The following BRINP1 variants were observed in gnomAD, a reference collection of about 807,000 sequenced individuals.
BRINP1 encodes BMP/retinoic acid-inducible neural-specific protein 1.
A neutral mutation model predicts 72.9 loss-of-function variants in BRINP1; 17 were observed. The ratio of observed to expected loss-of-function variants is 0.23; its 90% CI spans 0.16 to 0.35. The LOEUF is 0.35. BRINP1 is among the 10% of genes least tolerant of loss of function. BRINP1 has a pLI of 1.00. For synonymous variants in BRINP1, 418 were observed against 378.5 expected, an observed-to-expected ratio of 1.10 and a Z score of -1.21; for missense variants, 850 against 1,001.6, an observed-to-expected ratio of 0.85 and a Z score of 2.04.
At chr9:119,310,894 A>C (rs919437071) in intron 2 of BRINP1, among the ~76,000 whole-genome samples, 2 of 152,188 alleles carry the variant, frequency 1.3e-5, no homozygotes, top group Non-Finnish European at 2.9e-5. Flanking sequence ...AGCATGTCCT[A>C]GTTGGCTGTT....
intron 1 of BRINP1, among the ~76,000 whole-genome samples, chr9:119,348,284 T>C (rs887805154): frequency 6.6e-6 from 1 of 152,234 alleles, no homozygotes; most frequent in Non-Finnish European, 1.5e-5. Flanking sequence ...TGTTTTCTCA[T>C]GGCTTGATAG....
chr9:119,268,265 T>C (rs1428757680), intron 2 of BRINP1, among the ~76,000 whole-genome samples: 4 of 142,474 alleles, frequency 2.8e-5, no homozygotes, highest in Non-Finnish European at 6.2e-5. Flanking sequence ...GATAGATAGA[T>C]AGATAGATAG....
At chr9:119,339,208 A>C (rs1302081058) in intron 1 of BRINP1, among the ~76,000 whole-genome samples, 1 of 152,226 alleles carries the variant, frequency 6.6e-6, no homozygotes, top group African/African-American at 2.4e-5. Flanking sequence ...CACTGTAGCC[A>C]GAAAGTAGCC....
chr9:119,194,745 A>T (rs982360096), intron 7 of BRINP1, among the ~76,000 whole-genome samples: 8 of 152,220 alleles, frequency 5.3e-5, no homozygotes, highest in African/African-American at 1.9e-4. Flanking sequence ...GAATTCTGCC[A>T]ACACCTTGAA....
chr9:119,199,191 GA>G (rs1276958054), intron 7 of BRINP1, among the ~76,000 whole-genome samples: 1 of 152,052 alleles, frequency 6.6e-6, no homozygotes, highest in Non-Finnish European at 1.5e-5. Context: ...CTAATAAACT[GA>G]AACTGACTTG....
Position 119,166,952 on chromosome 9 carries a change from G to C in BRINP1, c.*132C>G, listed in dbSNP as rs767079447. On this transcript the variant is annotated 3_prime_UTR_variant, in exon 8 of 8. Coordinates refer to ENST00000265922, the MANE Select transcript of BRINP1 (RefSeq NM_014618.3). ...AACGTTTTCATTTCCAACAAATGAA[G>C]ATTTTCCTCCTTTTCTTTGAATATT... 4.9e-4 allele frequency: 497 copies of C among 1,015,056 alleles called. No individual in the cohort carries two copies. Among genetic ancestry groups the C allele is most frequent in the Non-Finnish European group, 6.3e-4 (432 of 690,082 alleles). 62.9% of individuals were successfully genotyped at this position (1,015,056 alleles called of 1,614,324 possible). A position where few individuals can be genotyped will look rare whatever the true frequency, so the allele number is the denominator to read the frequency against.
At chr9:119,343,039 G>A (rs777867025) in intron 1 of BRINP1, among the ~76,000 whole-genome samples, 12 of 152,328 alleles carry the variant, frequency 7.9e-5, no homozygotes, top group Admixed American at 5.2e-4. Flanking sequence ...AGTAACACAT[G>A]TAAAGCCGTT....
At chr9:119,356,399 C>T (rs940351273) in intron 1 of BRINP1, among the ~76,000 whole-genome samples, 3 of 152,182 alleles carry the variant, frequency 2.0e-5, no homozygotes, top group African/African-American at 7.2e-5. Context: ...TATAAATTAT[C>T]TTCTCAATTA....
At chr9:119,245,497 C>A (rs1271899822) in intron 3 of BRINP1, among the ~76,000 whole-genome samples, 2 of 152,228 alleles carry the variant, frequency 1.3e-5, no homozygotes, top group Non-Finnish European at 2.9e-5. Context: ...AGGAAAATTT[C>A]TATGCCTGTT....
intron 1 of BRINP1, among the ~76,000 whole-genome samples, chr9:119,348,901 C>T (rs1831475124): frequency 6.6e-6 from 1 of 152,098 alleles, no homozygotes; most frequent in African/African-American, 2.4e-5. Context: ...AATGCTCTGG[C>T]CGGGTATGTG....
At chr9:119,300,098 A>C (rs569499824) in intron 2 of BRINP1, among the ~76,000 whole-genome samples, 1 of 152,220 alleles carries the variant, frequency 6.6e-6, no homozygotes, top group Non-Finnish European at 1.5e-5. Context: ...AATCTTCACA[A>C]GTGAAATCAA....
rs532961677 is a variant in BRINP1, at chr9:119,287,770, T to C, written c.218+25368A>G. Among the ~76,000 whole-genome samples, 13 of 152,312 alleles carry C rather than the reference T, an allele frequency of 8.5e-5. No homozygotes were observed. In the South Asian group the frequency reaches 2.7e-3, roughly 32 times the overall value. Reference sequence around the variant, plus strand: ...AATGATGGCAAAGGTTTATCAGACATAATTTTTTCAATTAAAAAACCTCAG... The same window carrying C: ...AATGATGGCAAAGGTTTATCAGACACAATTTTTTCAATTAAAAAACCTCAG... On this transcript the variant is annotated intron_variant, in intron 2 of 7. Coordinates refer to ENST00000265922, the MANE Select transcript of BRINP1 (RefSeq NM_014618.3).
chr9:119,186,230 G>A (rs909597359), intron 7 of BRINP1, among the ~76,000 whole-genome samples: 15 of 152,306 alleles, frequency 9.8e-5, no homozygotes, highest in African/African-American at 3.6e-4. Context: ...GCCTAAACCA[G>A]CCTGTTGCCC....
At chr9:119,173,432 G>A (rs1829442460) in intron 7 of BRINP1, among the ~76,000 whole-genome samples, 1 of 151,030 alleles carries the variant, frequency 6.6e-6, no homozygotes, top group Non-Finnish European at 1.5e-5. Context: ...CAAGGGATGT[G>A]AAGGACCTCT....
intron 2 of BRINP1, among the ~76,000 whole-genome samples, chr9:119,287,226 C>T (rs62567706): frequency 0.32 from 47,974 of 152,056 alleles, 9,409 homozygotes; most frequent in East Asian, 0.66. Context: ...TAAGAGAGAC[C>T]TGGTTCCAAG....
intron 7 of BRINP1, among the ~76,000 whole-genome samples, chr9:119,169,587 TAAAC>T (rs1337881711): frequency 6.6e-6 from 1 of 152,066 alleles, no homozygotes; most frequent in East Asian, 1.9e-4. Flanking sequence ...CTTGATTAGG[TAAAC>T]AAAGCAGCCG....
chr9:119,367,839 T>G (rs1831711634), intron 1 of BRINP1, among the ~76,000 whole-genome samples: 1 of 152,180 alleles, frequency 6.6e-6, no homozygotes, highest in Non-Finnish European at 1.5e-5. Context: ...TCTCCCTCTC[T>G]CTCGCTCTTG....
intron 1 of BRINP1, among the ~76,000 whole-genome samples, chr9:119,320,774 C>T (rs1050922180): frequency 6.6e-6 from 1 of 152,180 alleles, no homozygotes. Context: ...GTTGCATTTC[C>T]ATCTCCCACA....
intron 2 of BRINP1, among the ~76,000 whole-genome samples, chr9:119,280,240 T>C (rs1364794014): frequency 9.1e-6 from 1 of 109,484 alleles, no homozygotes; most frequent in Non-Finnish European, 2.0e-5. Context: ...TAAGTAGTTT[T>C]TTTTTCTTTT....
Sources: gnomAD v4.1 joint callset for allele counts (sites outside exome capture counted in the v4.1 genomes callset) on GRCh38, gnomAD v4.1.1 for gene constraint, MANE v1.5 for transcripts, NCBI Gene and HGNC (gene_info 2026-07-23, HGNC 2026-07-21) for gene names.